Variants in ZRANB3 observed in about 807,000 individuals in gnomAD.
ZRANB3 encodes DNA annealing helicase and endonuclease ZRANB3.
A neutral mutation model predicts 133.8 loss-of-function variants in ZRANB3; 125 were observed. The ratio of observed to expected loss-of-function variants is 0.93; its 90% CI spans 0.81 to 1.08. ZRANB3 has a LOEUF of 1.08. Among genes scored for constraint, ZRANB3 ranks in the 50% least tolerant of loss-of-function variants. The pLI, the probability that ZRANB3 is intolerant of heterozygous loss-of-function variation, is 0.00. For missense variants in ZRANB3, 1,229 were observed against 1,275.5 expected (o/e 0.96, Z 0.56); for synonymous variants, 387 against 432.7 (o/e 0.89, Z 1.31).
At chr2:135,307,688 T>C (rs1682769694) in intron 8 of ZRANB3, among the ~76,000 whole-genome samples, 1 of 152,154 alleles carries the variant, frequency 6.6e-6, no homozygotes, top group Admixed American at 6.5e-5. Flanking sequence ...AGGAGTTATG[T>C]GTAGAAGGAT....
At chr2:135,322,971 C>T (rs947046387) in intron 6 of ZRANB3, among the ~76,000 whole-genome samples, 4 of 151,592 alleles carry the variant, frequency 2.6e-5, no homozygotes, top group South Asian at 2.1e-4. Flanking sequence ...GAGCCAAGAT[C>T]GTGCCACTGC....
At chr2:135,383,433 TCAA>T (rs1351908664) in intron 3 of ZRANB3, among the ~76,000 whole-genome samples, 1 of 152,118 alleles carries the variant, frequency 6.6e-6, no homozygotes, top group East Asian at 1.9e-4. Flanking sequence ...ATTAGACAGA[TCAA>T]CGAGACAGAA....
Position 135,313,573 on chromosome 2 carries a change from T to C in ZRANB3, c.882A>G (p.Lys294=), listed in dbSNP as rs1024727811. 3 of 1,613,630 alleles carry C rather than the reference T, an allele frequency of 1.9e-6. No homozygotes were observed. In the African/African-American group the frequency reaches 4.0e-5, roughly 22 times the overall value. Residue 294 remains lysine, a synonymous_variant, in exon 8 of 21, where the codon AAA becomes AAG. Coordinates refer to ENST00000264159, the MANE Select transcript of ZRANB3 (RefSeq NM_032143.4). ...CACCTGAATTTGGAGTTCTCATTAT[T>C]TTTTCCCACTCTTCAAAGCTGGTAT... ...ELNTSFEEWE[K]IMRTPNSGAM...
chr2:135,247,916 A>G (rs942810082), intron 12 of ZRANB3, among the ~76,000 whole-genome samples: 2 of 152,104 alleles, frequency 1.3e-5, no homozygotes, highest in African/African-American at 4.8e-5. Flanking sequence ...ATGTGGCCAG[A>G]CTGCTTTTTT....
intron 2 of ZRANB3, among the ~76,000 whole-genome samples, chr2:135,474,387 T>G (rs1049434595): frequency 3.9e-5 from 6 of 152,170 alleles, no homozygotes; most frequent in Non-Finnish European, 5.9e-5. Flanking sequence ...TCGAAATTTC[T>G]TATTAAAATG....
In ZRANB3 at chr2:135,426,863, AATATATATATATATATATATATATATAT is replaced by A. The variant is rs60300167; in HGVS notation, c.162-36071_162-36044del. ...AAAAAAAAAAAAAAAAAAAAAAAAA[AATATATATATATATATATATATATATAT>A]ATATATATATATATATATATGTGCA... is the stretch of plus-strand genomic sequence containing the variant. On this transcript the variant is annotated intron_variant, in intron 2 of 20. Coordinates refer to ENST00000264159, the MANE Select transcript of ZRANB3 (RefSeq NM_032143.4). Among the ~76,000 whole-genome samples, 4 of 15,546 alleles carry A rather than the reference AATATATATATATATATATATATATATAT, an allele frequency of 2.6e-4. 1 individual carries two copies. The highest frequency in any genetic ancestry group is 8.6e-3 in the South Asian group (2 of 232). The allele number at this position is 15,546 out of a possible 152,430, so 10.2% of individuals were successfully genotyped here.
Position 135,468,568 on chromosome 2 carries a change from A to C in ZRANB3, c.161+35761T>G, listed in dbSNP as rs138181521. ...AACGTCTTATTCATTTCTGTATCTA[A>C]GGGCCTCTCTCTGTGGCCAATATAT... On this transcript the variant is annotated intron_variant, in intron 2 of 20. Transcript: ENST00000264159. Among the ~76,000 whole-genome samples, 463 of 152,346 alleles carry C rather than the reference A, an allele frequency of 3.0e-3. 2 individuals are homozygous for C. Among genetic ancestry groups the C allele is most frequent in the African/African-American group, 0.01 (432 of 41,590 alleles).
At chr2:135,385,441 C>T (rs1489661798) in intron 3 of ZRANB3, among the ~76,000 whole-genome samples, 1 of 152,078 alleles carries the variant, frequency 6.6e-6, no homozygotes, top group East Asian at 1.9e-4. Context: ...GATTCAATGC[C>T]ACCCCCATCA....
At chr2:135,448,759 A>T (rs1360685895) in intron 2 of ZRANB3, among the ~76,000 whole-genome samples, 1 of 152,250 alleles carries the variant, frequency 6.6e-6, no homozygotes, top group Non-Finnish European at 1.5e-5. Flanking sequence ...TCACAAAAAA[A>T]CTTTGTAAAG....
chr2:135,282,153 C>T (rs1681126424), intron 8 of ZRANB3, among the ~76,000 whole-genome samples: 1 of 152,038 alleles, frequency 6.6e-6, no homozygotes, highest in African/African-American at 2.4e-5. Flanking sequence ...TATACTGTTC[C>T]TTAATAACTT....
intron 8 of ZRANB3, among the ~76,000 whole-genome samples, chr2:135,283,148 G>A (rs576144900): frequency 8.4e-4 from 127 of 151,974 alleles, no homozygotes; most frequent in Non-Finnish European, 1.5e-3. Flanking sequence ...AGCCGGGTGT[G>A]GTGGCATGTG....
intron 2 of ZRANB3, among the ~76,000 whole-genome samples, chr2:135,494,193 G>A (rs1330272986): frequency 1.3e-4 from 19 of 145,982 alleles, no homozygotes; most frequent in South Asian, 4.4e-4. Flanking sequence ...GAGGGAGGGC[G>A]CGGTGGCTCA....
chr2:135,496,443 A>C (rs1418629174), intron 2 of ZRANB3, among the ~76,000 whole-genome samples: 2 of 151,674 alleles, frequency 1.3e-5, no homozygotes, highest in Non-Finnish European at 2.9e-5. Context: ...TATTTATTAA[A>C]ACAAAATTTA....
At chr2:135,224,999 C>A (rs900125395) in intron 14 of ZRANB3, among the ~76,000 whole-genome samples, 1 of 152,168 alleles carries the variant, frequency 6.6e-6, no homozygotes, top group Non-Finnish European at 1.5e-5. Context: ...AGCAGACAAG[C>A]TTCTTTTCTG....
intron 5 of ZRANB3, 37 bp downstream of exon 5, chr2:135,349,947 C>T: frequency 6.3e-7 from 1 of 1,589,544 alleles, no homozygotes; most frequent in South Asian, 1.1e-5. Flanking sequence ...CACCCCCCTT[C>T]TCTTCTTTTA....
intron 3 of ZRANB3, among the ~76,000 whole-genome samples, chr2:135,380,958 A>G (rs1262780969): frequency 1.3e-5 from 2 of 152,124 alleles, no homozygotes; most frequent in South Asian, 2.1e-4. Context: ...TGCATTTCCA[A>G]CTGAGGTACT....
intron 12 of ZRANB3, among the ~76,000 whole-genome samples, chr2:135,263,486 G>A (rs1167258683): frequency 6.6e-6 from 1 of 152,034 alleles, no homozygotes; most frequent in Non-Finnish European, 1.5e-5. Flanking sequence ...ATAGCCCAGA[G>A]GAACAACAAC....
At chr2:135,289,655 C>T (rs542387189) in intron 8 of ZRANB3, among the ~76,000 whole-genome samples, 1 of 152,256 alleles carries the variant, frequency 6.6e-6, no homozygotes, top group East Asian at 1.9e-4. Flanking sequence ...GTAATCCTAG[C>T]ATTTCGGGAG....
At chr2:135,388,906 G>A (rs1391489304) in intron 3 of ZRANB3, among the ~76,000 whole-genome samples, 1 of 152,026 alleles carries the variant, frequency 6.6e-6, no homozygotes, top group East Asian at 1.9e-4. Context: ...GTGAAACCCT[G>A]TCTTTACTAA....
Sources: allele counts gnomAD v4.1 joint callset (sites outside exome capture counted in the v4.1 genomes callset), GRCh38; gene constraint gnomAD v4.1.1; transcripts MANE v1.5; gene names NCBI Gene and HGNC (gene_info 2026-07-23, HGNC 2026-07-21).